ERC2: variants seen among roughly 807,000 people sequenced by gnomAD.
ERC2 encodes the protein ELKS/RAB6-interacting/CAST family member 2.
Under a neutral mutation model 114.8 loss-of-function variants are expected in ERC2, and 42 were observed. The observed-to-expected ratio is 0.37, with a 90% CI of 0.29 to 0.47. ERC2 has a LOEUF of 0.47. Among genes scored for constraint, ERC2 ranks in the 20% least tolerant of loss-of-function variants. The pLI, the probability that ERC2 is intolerant of heterozygous loss-of-function variation, is 0.99. For synonymous variants in ERC2, 454 were observed against 425.5 expected (o/e 1.07, Z -0.82); for missense variants, 939 against 1,150.7 (o/e 0.82, Z 2.66).
intron 6 of ERC2, among the ~76,000 whole-genome samples, chr3:56,128,558 A>G (rs2080023345): frequency 6.6e-6 from 1 of 152,216 alleles, no homozygotes; most frequent in Non-Finnish European, 1.5e-5. Context: ...TAAATGTTTA[A>G]AATTGATATG....
intron 17 of ERC2, among the ~76,000 whole-genome samples, chr3:55,587,958 C>T (rs1246127188): frequency 6.6e-6 from 1 of 152,170 alleles, no homozygotes; most frequent in East Asian, 1.9e-4. Context: ...TGTGGCAGAG[C>T]TCTTAAAAAA....
chr3:55,855,413 T>C (rs1034357640), intron 14 of ERC2, among the ~76,000 whole-genome samples: 1 of 152,258 alleles, frequency 6.6e-6, no homozygotes, highest in Non-Finnish European at 1.5e-5. Flanking sequence ...ACAGTATTTA[T>C]ATGCAAACTT....
chr3:55,928,948 A>G (rs2065909387), intron 13 of ERC2, among the ~76,000 whole-genome samples: 1 of 152,094 alleles, frequency 6.6e-6, no homozygotes, highest in African/African-American at 2.4e-5. Context: ...CAGGTTCTCT[A>G]TTCTGTTCTA....
intron 17 of ERC2, among the ~76,000 whole-genome samples, chr3:55,518,158 G>A (rs1190197282): frequency 6.6e-6 from 1 of 152,086 alleles, no homozygotes; most frequent in African/African-American, 2.4e-5. Context: ...ATCCCTGGGA[G>A]ATAAAATTGC....
chr3:56,093,050 C>A (rs1250388377), intron 6 of ERC2, among the ~76,000 whole-genome samples: 1 of 152,026 alleles, frequency 6.6e-6, no homozygotes, highest in South Asian at 2.1e-4. Context: ...ATGAGATATG[C>A]CTAAAGTATT....
chr3:55,864,673 G>T (rs1376983334), intron 14 of ERC2, among the ~76,000 whole-genome samples: 1 of 152,086 alleles, frequency 6.6e-6, no homozygotes, highest in African/African-American at 2.4e-5. Flanking sequence ...AAGGTTTATG[G>T]CTGCAAATGC....
intron 17 of ERC2, among the ~76,000 whole-genome samples, chr3:55,590,676 C>T (rs2057830727): frequency 1.3e-5 from 2 of 152,190 alleles, no homozygotes; most frequent in African/African-American, 2.4e-5. Context: ...ATTGCATATG[C>T]ACTTATGCAT....
At chr3:56,378,997 G>C (rs1017134354) in intron 2 of ERC2, among the ~76,000 whole-genome samples, 1 of 152,138 alleles carries the variant, frequency 6.6e-6, no homozygotes, top group Non-Finnish European at 1.5e-5. Context: ...TTTCAATAAC[G>C]TATTTTATTT....
At chr3:56,230,027 G>C (rs112582428) in intron 3 of ERC2, among the ~76,000 whole-genome samples, 1 of 151,584 alleles carries the variant, frequency 6.6e-6, no homozygotes, top group Admixed American at 6.6e-5. Flanking sequence ...CACCACACCC[G>C]GCTAAATTTT....
At chr3:56,434,288 C>T (rs2061922018) in intron 2 of ERC2, 63 bp downstream of exon 2, 1 of 1,506,176 alleles carries the variant, frequency 6.6e-7, no homozygotes, top group Non-Finnish European at 9.0e-7. Context: ...GTACCATCTG[C>T]AAAGCATCAA....
intron 15 of ERC2, among the ~76,000 whole-genome samples, chr3:55,722,752 T>A (rs953647386): frequency 6.6e-6 from 1 of 152,198 alleles, no homozygotes; most frequent in African/African-American, 2.4e-5. Context: ...TCTCTGCCTC[T>A]TGTTGTCTCT....
At chr3:55,681,752 C>G (rs1481676513) in intron 17 of ERC2, among the ~76,000 whole-genome samples, 1 of 152,114 alleles carries the variant, frequency 6.6e-6, no homozygotes, top group African/African-American at 2.4e-5. Flanking sequence ...TGGGGAAATT[C>G]ACGAAGAAAT....
At chr3:55,642,929 C>T (rs539837905) in intron 17 of ERC2, among the ~76,000 whole-genome samples, 1 of 152,230 alleles carries the variant, frequency 6.6e-6, no homozygotes, top group South Asian at 2.1e-4. Flanking sequence ...ATCTATCTGC[C>T]TAAAGAGGAA....
chr3:55,919,121 G>A (rs1487275703), intron 13 of ERC2, among the ~76,000 whole-genome samples: 2 of 152,200 alleles, frequency 1.3e-5, no homozygotes, highest in African/African-American at 2.4e-5. Flanking sequence ...GTTCACGCCT[G>A]TAATCCTAAC....
chr3:55,715,916 A>T (rs1249601809), intron 15 of ERC2, among the ~76,000 whole-genome samples: 1 of 152,084 alleles, frequency 6.6e-6, no homozygotes, highest in Non-Finnish European at 1.5e-5. Flanking sequence ...TGGTTGGGGG[A>T]TGCATTAATG....
At chr3:56,132,590 T>A (rs2080267923) in intron 6 of ERC2, among the ~76,000 whole-genome samples, 1 of 152,136 alleles carries the variant, frequency 6.6e-6, no homozygotes, top group South Asian at 2.1e-4. Flanking sequence ...TGAGCTGAGA[T>A]CACGCCACTG....
chr3:56,246,959 T>C (rs2051752535), intron 3 of ERC2, among the ~76,000 whole-genome samples: 2 of 152,278 alleles, frequency 1.3e-5, no homozygotes, highest in South Asian at 4.1e-4. Flanking sequence ...ACCAGCCATC[T>C]GGTGCCTACA....
At chr3:55,754,511 G>A (rs1019211429) in intron 14 of ERC2, among the ~76,000 whole-genome samples, 2 of 74,408 alleles carry the variant, frequency 2.7e-5, no homozygotes, top group Middle Eastern at 7.5e-3. Flanking sequence ...TTTCTGCAAA[G>A]GATTAAAGAA....
Position 56,049,627 on chromosome 3 carries a change from G to C in ERC2, c.1642-30596C>G, listed in dbSNP as rs368404756. ...TAAAGCAGGCAGAAAAACATGAAAA[G>C]GCTAGATTTGCTTAGCCTTTCAGCC... On this transcript the variant is annotated intron_variant, in intron 7 of 17. Coordinates refer to ENST00000288221, the MANE Select transcript of ERC2 (RefSeq NM_015576.3). 1.0e-3 allele frequency among the ~76,000 whole-genome samples: 157 copies of C among 152,218 alleles called. 1 individual carries two copies. The highest frequency in any genetic ancestry group is 3.7e-3 in the African/African-American group (154 of 41,538).
Sources: allele counts gnomAD v4.1 joint callset (sites outside exome capture counted in the v4.1 genomes callset), GRCh38; gene constraint gnomAD v4.1.1; transcripts MANE v1.5; gene names NCBI Gene and HGNC (gene_info 2026-07-23, HGNC 2026-07-21).